INSC: variants seen among roughly 807,000 people sequenced by gnomAD.
INSC encodes protein inscuteable homolog.
In INSC, 67 loss-of-function variants were observed where a neutral mutation model predicts 58.6. The ratio of observed to expected loss-of-function variants is 1.14; its 90% CI spans 0.94 to 1.40. INSC has a LOEUF of 1.40. INSC is among the 40% of genes most tolerant of loss of function. The pLI is 0.00. For synonymous variants in INSC, 262 were observed against 276.1 expected (o/e 0.95, Z 0.51); for missense variants, 714 against 692.0 (o/e 1.03, Z -0.36).
chr11:15,115,088 A>C (rs1847660207), intron 1 of INSC, 85 bp downstream of exon 1: 1 of 863,754 alleles, frequency 1.2e-6, no homozygotes, highest in South Asian at 5.3e-5. Context: ...GTTTGTCACT[A>C]ATTGGATAGT....
At chr11:15,132,906 C>T (rs1848157671) in intron 1 of INSC, among the ~76,000 whole-genome samples, 1 of 151,986 alleles carries the variant, frequency 6.6e-6, no homozygotes, top group African/African-American at 2.4e-5. Flanking sequence ...TTCCTTTTTC[C>T]TTTGATTGCT....
intron 1 of INSC, among the ~76,000 whole-genome samples, chr11:15,142,132 C>T (rs780441215): frequency 2.0e-5 from 3 of 152,228 alleles, no homozygotes; most frequent in African/African-American, 4.8e-5. Flanking sequence ...ATGGCTCACA[C>T]TGCTCTTGGC....
chr11:15,194,359 G>A (rs55978909), intron 6 of INSC, among the ~76,000 whole-genome samples: 19 of 152,104 alleles, frequency 1.2e-4, no homozygotes, highest in Admixed American at 9.2e-4. Context: ...ACTCGGTATC[G>A]CAGTCCCTCA....
At chr11:15,248,461 G>A (rs1433234325), downstream of INSC, among the ~76,000 whole-genome samples, 3 of 152,194 alleles carry the variant, frequency 2.0e-5, no homozygotes, top group Non-Finnish European at 2.9e-5. Flanking sequence ...TCCTGAATGT[G>A]TCTTAGGACT....
At chr11:15,162,847 G>A (rs1849065332) in intron 2 of INSC, among the ~76,000 whole-genome samples, 1 of 152,186 alleles carries the variant, frequency 6.6e-6, no homozygotes, top group Non-Finnish European at 1.5e-5. Context: ...AGTCCAGTAA[G>A]AGGGACTGGA....
At chr11:15,159,800 C>A (rs868791548) in intron 2 of INSC, among the ~76,000 whole-genome samples, 5 of 152,162 alleles carry the variant, frequency 3.3e-5, no homozygotes, top group Admixed American at 6.5e-5. Flanking sequence ...TTGTGAGAAT[C>A]AACTGAGATA....
At chr11:15,153,004 T>A (rs1848700852) in intron 2 of INSC, among the ~76,000 whole-genome samples, 1 of 152,214 alleles carries the variant, frequency 6.6e-6, no homozygotes, top group Admixed American at 6.5e-5. Context: ...AAACAAATCA[T>A]TTACTCATTT....
the INSC span, among the ~76,000 whole-genome samples, chr11:15,264,640 C>T: frequency 6.7e-6 from 1 of 149,836 alleles, no homozygotes; most frequent in Non-Finnish European, 1.5e-5. Flanking sequence ...TATTCTGCTG[C>T]GGCTACTGCT....
intron 2 of INSC, among the ~76,000 whole-genome samples, chr11:15,155,399 A>G (rs1259712284): frequency 2.6e-5 from 4 of 152,230 alleles, no homozygotes; most frequent in Non-Finnish European, 4.4e-5. Context: ...GTTAACTTCA[A>G]AATGCCATTT....
chr11:15,133,263 AT>A, intron 1 of INSC, among the ~76,000 whole-genome samples: 1 of 152,092 alleles, frequency 6.6e-6, no homozygotes, highest in Non-Finnish European at 1.5e-5. Context: ...ATACCCATCC[AT>A]TTTTTAGCTG....
chr11:15,233,722 C>T (rs1360633543), intron 9 of INSC, among the ~76,000 whole-genome samples: 1 of 151,954 alleles, frequency 6.6e-6, no homozygotes, highest in African/African-American at 2.4e-5. Flanking sequence ...TACCTCCCTT[C>T]CTCCCTCCTT....
the INSC span, among the ~76,000 whole-genome samples, chr11:15,263,874 A>G: frequency 2.6e-5 from 4 of 152,200 alleles, no homozygotes; most frequent in Admixed American, 2.0e-4. Context: ...GGGGATAGCC[A>G]TCAGATCCTG....
At chr11:15,229,977 TATTATATATATA>T (rs1166467505) in intron 9 of INSC, among the ~76,000 whole-genome samples, 19 of 11,162 alleles carry the variant, frequency 1.7e-3, no homozygotes, top group African/African-American at 2.7e-3. Context: ...TATATATATA[TATTATATATATA>T]TATATATATA....
intron 1 of INSC, among the ~76,000 whole-genome samples, chr11:15,130,751 T>C (rs1462968656): frequency 1.3e-5 from 2 of 152,156 alleles, no homozygotes; most frequent in Non-Finnish European, 2.9e-5. Context: ...TGGTTATAGA[T>C]CTATTTTTTC....
intron 7 of INSC, among the ~76,000 whole-genome samples, chr11:15,210,988 C>T (rs533721729): frequency 2.0e-5 from 3 of 152,086 alleles, no homozygotes; most frequent in South Asian, 2.1e-4. Flanking sequence ...AACCTGCTGC[C>T]GGCAAGTGGT....
At chr11:15,267,387 G>A in the INSC span, among the ~76,000 whole-genome samples, 2 of 151,950 alleles carry the variant, frequency 1.3e-5, no homozygotes, top group South Asian at 4.1e-4. Context: ...TGGGCTGAAT[G>A]AAAATTTCCC....
At chr11:15,266,897 G>C in the INSC span, among the ~76,000 whole-genome samples, 1 of 152,092 alleles carries the variant, frequency 6.6e-6, no homozygotes, top group Admixed American at 6.6e-5. Flanking sequence ...GACACTCAGA[G>C]ATGATGGGCT....
chr11:15,234,066 C>T (rs1484181081), intron 9 of INSC, among the ~76,000 whole-genome samples: 1 of 152,230 alleles, frequency 6.6e-6, no homozygotes, highest in Non-Finnish European at 1.5e-5. Flanking sequence ...AAGTCCTAAA[C>T]CTCCTTTAGT....
intron 1 of INSC, among the ~76,000 whole-genome samples, chr11:15,136,056 C>T (rs1418071623): frequency 6.6e-6 from 1 of 152,134 alleles, no homozygotes; most frequent in African/African-American, 2.4e-5. Context: ...GCTCTCATAA[C>T]TTACAGGCAT....
Sources: gnomAD v4.1 joint callset for allele counts (sites outside exome capture counted in the v4.1 genomes callset) on GRCh38, gnomAD v4.1.1 for gene constraint, MANE v1.5 for transcripts, NCBI Gene and HGNC (gene_info 2026-07-23, HGNC 2026-07-21) for gene names.